Variants in ZNF638 observed in about 807,000 individuals in gnomAD.
The protein encoded by ZNF638 is zinc finger protein 638, also known as CTCL tumor antigen se33-1.
Under a neutral mutation model 195.6 loss-of-function variants are expected in ZNF638, and 46 were observed. That is an observed-to-expected ratio of 0.24 (90% CI 0.19 to 0.30). The LOEUF is 0.30. ZNF638 is among the 10% of genes least tolerant of loss of function. The pLI, the probability that ZNF638 is intolerant of heterozygous loss-of-function variation, is 1.00. For missense variants in ZNF638, 2,440 were observed against 2,325.3 expected (o/e 1.05, Z -1.01); for synonymous variants, 845 against 772.0 (o/e 1.09, Z -1.57).
chr2:71,428,461 T>C (rs2080585524), intron 24 of ZNF638, 86 bp from the exon 25 acceptor site: 5 of 1,227,534 alleles, frequency 4.1e-6, no homozygotes, highest in Middle Eastern at 4.3e-4. Flanking sequence ...AAATGTATAA[T>C]GTTGATTCAG....
At chr2:71,419,974 C>CCCCCCCCCTTTTTT (rs1189202093) in intron 21 of ZNF638, among the ~76,000 whole-genome samples, 1 of 27,022 alleles carries the variant, frequency 3.7e-5, no homozygotes, top group African/African-American at 1.6e-4. Context: ...CCCCCCCCGC[C>CCCCCCCCCTTTTTT]TTTTTTTTTT....
intron 1 of ZNF638, chr2:71,348,393 A>G: frequency 4.0e-6 from 4 of 992,072 alleles, no homozygotes; most frequent in Non-Finnish European, 4.8e-6. Flanking sequence ...TGCATTTATA[A>G]GTATTTTAAT....
chr2:71,405,635 AC>A lies in ZNF638; in HGVS notation c.2996del (p.Pro999GlnfsTer5). 1 of 1,565,924 alleles carries A rather than the reference AC, an allele frequency of 6.4e-7. No homozygotes were observed. The highest frequency in any genetic ancestry group is 8.7e-7 in the Non-Finnish European group (1 of 1,150,844). On this transcript the variant is annotated frameshift_variant, in exon 18 of 28. Transcript: ENST00000264447. LOFTEE classifies it high-confidence loss of function. ...TTTATAACCTTGGTAAAAGAAAATG[AC>A]CCAGAGGTAAGTTTTGCATTTAAAT... Reference protein sequence around the residue: ...AIFITLVKENDPEANIDTIYD... With the variant: ...AIFITLVKENXPEANIDTIYD...
chr2:71,397,868 G>A (rs539527289), intron 11 of ZNF638, among the ~76,000 whole-genome samples: 1 of 152,298 alleles, frequency 6.6e-6, no homozygotes, highest in Admixed American at 6.5e-5. Context: ...AATGGTCAGA[G>A]CAATTTAAAT....
chr2:71,387,324 A>G (rs6745147), intron 10 of ZNF638, among the ~76,000 whole-genome samples: 138,244 of 152,256 alleles, frequency 0.91, 62,811 homozygotes, highest in Admixed American at 0.93. Flanking sequence ...TTTTAGTTGG[A>G]AAAAGATCAA....
At chr2:71,344,859 G>A (rs1379649847) in intron 1 of ZNF638, among the ~76,000 whole-genome samples, 1 of 152,204 alleles carries the variant, frequency 6.6e-6, no homozygotes, top group Non-Finnish European at 1.5e-5. Flanking sequence ...CATCCTTTTA[G>A]TTAAAACATT....
chr2:71,332,472 G>A (rs537138788), intron 1 of ZNF638, among the ~76,000 whole-genome samples: 1 of 152,168 alleles, frequency 6.6e-6, no homozygotes, highest in Non-Finnish European at 1.5e-5. Context: ...TTCCGGGCTG[G>A]TGTTCTGTGC....
chr2:71,431,769 A>C lies in ZNF638; in HGVS notation c.5752+341A>C, dbSNP rs535516763. 1.1e-4 allele frequency among the ~76,000 whole-genome samples: 16 copies of C among 152,164 alleles called. No homozygotes were observed. In the East Asian group the frequency reaches 1.7e-3, roughly 17 times the overall value. On this transcript the variant is annotated intron_variant, in intron 26 of 27. Coordinates refer to ENST00000264447, the MANE Select transcript of ZNF638 (RefSeq NM_014497.5). ...AGTGAGACTCCGTCTCAAAAAAAAA[A>C]AAAAACAAAAACACCATAATAAGTA...
rs573707889 is a variant in ZNF638, at chr2:71,348,390, A to G, written c.-202-363A>G. The G allele has an allele frequency of 2.2e-5, 22 of 994,886 alleles. No homozygotes were observed. In the South Asian group the frequency reaches 7.0e-4, roughly 32 times the overall value. 61.6% of individuals were successfully genotyped at this position (994,886 alleles called of 1,614,324 possible). On this transcript the variant is annotated intron_variant, in intron 1 of 27. Coordinates refer to ENST00000264447, the MANE Select transcript of ZNF638 (RefSeq NM_014497.5). Reference sequence around the variant, plus strand: ...ACATGCGTATTAAATGTGTGCATTTATAAGTATTTTAATGCCTTCATCTTT... The same window carrying G: ...ACATGCGTATTAAATGTGTGCATTTGTAAGTATTTTAATGCCTTCATCTTT...
intron 1 of ZNF638, among the ~76,000 whole-genome samples, chr2:71,344,605 C>G (rs773015440): frequency 3.9e-5 from 6 of 152,172 alleles, no homozygotes; most frequent in Non-Finnish European, 7.4e-5. Context: ...AGAAAACTTT[C>G]TCAAAATTTC....
intron 24 of ZNF638, among the ~76,000 whole-genome samples, chr2:71,428,285 CATTT>C (rs2080581131): frequency 6.6e-6 from 1 of 152,076 alleles, no homozygotes; most frequent in Admixed American, 6.5e-5. Context: ...ATTAGAAAAA[CATTT>C]ATGGACATCC....
At chr2:71,428,196 A>G (rs994376980) in intron 24 of ZNF638, among the ~76,000 whole-genome samples, 16 of 152,204 alleles carry the variant, frequency 1.1e-4, no homozygotes, top group African/African-American at 3.9e-4. Context: ...TTTGTCTCCA[A>G]AAAGAAGAAA....
At position 71,364,111 on chromosome 2, in the gene ZNF638, T is replaced by C; in HGVS notation, c.1576T>C (p.Cys526Arg). 1 of 1,614,138 alleles carries C rather than the reference T, an allele frequency of 6.2e-7. No individual in the cohort carries two copies. The highest frequency in any genetic ancestry group is 8.5e-7 in the Non-Finnish European group (1 of 1,180,020). Reference protein sequence around the residue: ...YRPRSRSPRICHRFISRYRSR... With the variant: ...YRPRSRSPRIRHRFISRYRSR... ...GCCGAGAAGTCGAAGTCCAAGAATT[T>C]GCCATCGTTTCATTTCTAGATACAG... Residue 526 changes from cysteine (C) to arginine (R), a missense_variant, in exon 5 of 28, where the codon TGC (cysteine) becomes CGC (arginine). By Grantham distance (180) the Cys-to-Arg change is radical (BLOSUM62 -3). This residue lies in a region of ZNF638 where 1,883 missense variants were observed against 1,739.1 expected (regional missense o/e 1.08). Coordinates refer to ENST00000264447, the MANE Select transcript of ZNF638 (RefSeq NM_014497.5).
intron 25 of ZNF638, among the ~76,000 whole-genome samples, chr2:71,429,119 G>C (rs1283619296): frequency 6.6e-6 from 1 of 152,076 alleles, no homozygotes; most frequent in East Asian, 1.9e-4. Flanking sequence ...TGTTAAAAAG[G>C]GTAGACAAAA....
rs750874013 is a variant in ZNF638, at chr2:71,380,288, A to G, written c.2324+8A>G. The G allele has an allele frequency of 1.3e-5, 20 of 1,546,398 alleles. No homozygotes were observed. The highest frequency in any genetic ancestry group is 1.7e-5 in the Non-Finnish European group (20 of 1,149,042). On this transcript the variant is annotated splice_region_variant and intron_variant, in intron 9 of 27. Transcript: ENST00000264447. Reference sequence around the variant, plus strand: ...ATCTGCATCTACCTTAAAGTAAGTGACTTTATGATTTCATATGTGAGAATG... The same window carrying G: ...ATCTGCATCTACCTTAAAGTAAGTGGCTTTATGATTTCATATGTGAGAATG...
intron 20 of ZNF638, among the ~76,000 whole-genome samples, chr2:71,409,454 G>A (rs906106562): frequency 6.6e-6 from 1 of 152,106 alleles, no homozygotes; most frequent in East Asian, 1.9e-4. Context: ...ACTAGTAGCT[G>A]CATTTTTGGT....
chr2:71,396,035 T>C, intron 10 of ZNF638, 106 bp from the exon 11 acceptor site: 1 of 946,160 alleles, frequency 1.1e-6, no homozygotes. Context: ...AGTATAGGGC[T>C]GTTTCTTGCA....
chr2:71,393,312 A>G, intron 10 of ZNF638: 2 of 659,124 alleles, frequency 3.0e-6, no homozygotes, highest in Non-Finnish European at 5.7e-6. Context: ...TTATGGAAAG[A>G]TGTAAATAGT....
Position 71,360,835 on chromosome 2 carries a change from G to A in ZNF638, c.1380-2318G>A, listed in dbSNP as rs116190080. 5.8e-3 allele frequency among the ~76,000 whole-genome samples: 881 copies of A among 152,228 alleles called. 7 individuals are homozygous for A. Among genetic ancestry groups the A allele is most frequent in the African/African-American group, 0.02 (830 of 41,538 alleles). On this transcript the variant is annotated intron_variant, in intron 3 of 27. Transcript: ENST00000264447. Reference sequence around the variant, plus strand: ...ATGTTATACCACCTTTGTTGGGAGCGTTATTGCTTCTGAAGCACATTTTTG... The same window carrying A: ...ATGTTATACCACCTTTGTTGGGAGCATTATTGCTTCTGAAGCACATTTTTG...
Sources: gnomAD v4.1 joint callset for allele counts (sites outside exome capture counted in the v4.1 genomes callset) on GRCh38, gnomAD v4.1.1 for gene constraint, gnomAD v4.1.1 regional missense constraint, MANE v1.5 for transcripts, NCBI Gene and HGNC (gene_info 2026-07-23, HGNC 2026-07-21) for gene names.